PPFIA3: variants seen among roughly 807,000 people sequenced by gnomAD.
The protein encoded by PPFIA3 is liprin-alpha-3.
PPFIA3 carries 26 observed loss-of-function variants against 145.8 expected under a neutral mutation model. The ratio of observed to expected loss-of-function variants is 0.18; its 90% CI spans 0.13 to 0.25. PPFIA3 has a LOEUF of 0.25. PPFIA3 is among the 10% of genes least tolerant of loss of function. The pLI is 1.00. For missense variants in PPFIA3, 1,008 were observed against 1,587.8 expected (o/e 0.63, Z 6.21); for synonymous variants, 645 against 661.4 (o/e 0.98, Z 0.38).
At position 49,128,384 on chromosome 19, in the gene PPFIA3, G is replaced by C. The variant is rs199685708; in HGVS notation, c.258G>C (p.Thr86=). The part of the protein sequence containing the change: ...IALPQEFAAL[T]KELNLCREQL... ...CTGGACAGGAGTTTGCAGCTCTGAC[G>C]AAGGAGCTGAACTTATGTCGGGAGC... The change falls in exon 3 of 30, where the codon ACG becomes ACC. Residue 86 remains threonine (T), a synonymous_variant. Coordinates refer to ENST00000334186, the MANE Select transcript of PPFIA3 (RefSeq NM_003660.4). The surrounding 1 kb of genome is among the most constrained non-coding windows in gnomAD (Gnocchi z 4.1). 8 of 1,613,960 alleles carry C rather than the reference G, an allele frequency of 5.0e-6. No individual in the cohort carries two copies. Among genetic ancestry groups the C allele is most frequent in the South Asian group, 1.1e-5 (1 of 91,072 alleles).
In PPFIA3 at chr19:49,149,142, C is replaced by T; in HGVS notation, c.3259C>T (p.Leu1087=). 2.5e-6 allele frequency: 4 copies of T among 1,614,106 alleles called. No individual in the cohort carries two copies. Among genetic ancestry groups the T allele is most frequent in the South Asian group, 2.2e-5 (2 of 91,074 alleles). The change falls in exon 26 of 30, where the codon CTG becomes TTG. Residue 1087 remains leucine (L), a synonymous_variant. Coordinates refer to ENST00000334186, the MANE Select transcript of PPFIA3 (RefSeq NM_003660.4). This position sits in a 1 kb window ranked among gnomAD's most constrained non-coding sequence, Gnocchi z 5.7. The stretch of plus-strand genomic sequence containing the variant: ...CGACTACTCCGACCTGGCCTTGCTC[C>T]TGCAGATCCCCACGCAGAATGCACA... ...TFDYSDLALL[L]QIPTQNAQAR...
chr19:49,130,714 CCT>C lies in PPFIA3; in HGVS notation c.879+118_879+119del, dbSNP rs1159792702. Reference sequence around the variant, plus strand: ...GATTCAGTCCACAGGCTGGGTGACTCCTCTTTGAGATTCAGTTTTCCCACCTG... The same window carrying C: ...GATTCAGTCCACAGGCTGGGTGACTCCTTTGAGATTCAGTTTTCCCACCTG... On this transcript the variant is annotated intron_variant, in intron 7 of 29. Transcript: ENST00000334186. The surrounding 1 kb of genome is among the most constrained non-coding windows in gnomAD (Gnocchi z 4.5). 2.1e-5 allele frequency: 18 copies of C among 863,016 alleles called. No homozygotes were observed. Among genetic ancestry groups the C allele is most frequent in the African/African-American group, 1.7e-4 (10 of 58,730 alleles). 53.5% of individuals were successfully genotyped at this position (863,016 alleles called of 1,614,324 possible).
intron 13 of PPFIA3, among the ~76,000 whole-genome samples, 193 bp downstream of exon 13, chr19:49,135,108 T>C (rs2041122836): frequency 6.6e-6 from 1 of 152,020 alleles, no homozygotes; most frequent in Non-Finnish European, 1.5e-5. Context: ...GTGGCACGAT[T>C]CCGGCTCACT....
rs2041321015 is a variant in PPFIA3, at chr19:49,149,585, G to C, written c.3393G>C (p.Arg1131=). 4 of 1,613,938 alleles carry C rather than the reference G, an allele frequency of 2.5e-6. No homozygotes were observed. The highest frequency in any genetic ancestry group is 3.4e-6 in the Non-Finnish European group (4 of 1,179,878). The change falls in exon 28 of 30, where the codon CGG becomes CGC. Residue 1131 remains arginine, a synonymous_variant. Transcript: ENST00000334186. The surrounding 1 kb of genome is among the most constrained non-coding windows in gnomAD (Gnocchi z 5.7). ...CTTTCAGCCGCTCCCCATCCTGGCG[G>C]AAGATGTTCCGGGAGAAGGACCTCC... ...AKSFSRSPSW[R]KMFREKDLRG... is the part of the protein sequence containing the mutation.
At position 49,136,879 on chromosome 19, in the gene PPFIA3, G is replaced by A; in HGVS notation, c.1821G>A (p.Gln607=). The A allele has an allele frequency of 6.4e-7, 1 of 1,569,376 alleles. No homozygotes were observed. The highest frequency in any genetic ancestry group is 8.6e-7 in the Non-Finnish European group (1 of 1,156,972). Residue 607 remains glutamine, a synonymous_variant, in exon 15 of 30, where the codon CAG becomes CAA. Transcript: ENST00000334186. ...TGCAGACGCTGGCCATCATGCTTCAGGAGCAGCTGGAGGCCATCAACAAGG... is the reference window on the plus strand; with the variant it reads ...TGCAGACGCTGGCCATCATGCTTCAAGAGCAGCTGGAGGCCATCAACAAGG... ...ADVQTLAIML[Q]EQLEAINKEI...
At position 49,150,471 on chromosome 19, in the gene PPFIA3, C is replaced by T. The variant is rs1235226141; in HGVS notation, c.*249C>T. Reference sequence around the variant, plus strand: ...GAGGAAGAAATCCCGCCCCAAACGTCCGCTTTCCTTTTCTCTACTTTGTAA... The same window carrying T: ...GAGGAAGAAATCCCGCCCCAAACGTTCGCTTTCCTTTTCTCTACTTTGTAA... On this transcript the variant is annotated 3_prime_UTR_variant, in exon 30 of 30. Transcript: ENST00000334186. The T allele has an allele frequency of 7.7e-6, 2 of 259,032 alleles. No individual in the cohort carries two copies. Among genetic ancestry groups the T allele is most frequent in the Non-Finnish European group, 7.3e-6 (1 of 136,148 alleles). The allele number at this position is 259,032 out of a possible 1,614,324, so 16.0% of individuals were successfully genotyped here. A position where few individuals can be genotyped will look rare whatever the true frequency, so the allele number is the denominator to read the frequency against.
At position 49,135,769 on chromosome 19, in the gene PPFIA3, A is replaced by C; in HGVS notation, c.1521-10A>C. On this transcript the variant is annotated splice_polypyrimidine_tract_variant and intron_variant, in intron 13 of 29. Transcript: ENST00000334186. ...CCCTTGGTCTCTGACTGCTTTCCTC[A>C]TGCCCACAGGTCTCTCCCTGGCAGT... 6.2e-7 allele frequency: 1 copy of C among 1,601,780 alleles called. No individual in the cohort carries two copies. The highest frequency in any genetic ancestry group is 1.3e-5 in the African/African-American group (1 of 74,458).
chr19:49,149,817 C>T lies in PPFIA3; in HGVS notation c.3526+99C>T. The T allele has an allele frequency of 7.1e-7, 1 of 1,405,322 alleles. No individual in the cohort carries two copies. Among genetic ancestry groups the T allele is most frequent in the Non-Finnish European group, 9.5e-7 (1 of 1,049,554 alleles). The allele number at this position is 1,405,322 out of a possible 1,614,324, so 87.1% of individuals were successfully genotyped here. ...GTTCTGGAATGGCCTAGTCCTTTCT[C>T]GCCCACCCCTGAGGAATGGACTGCT... is the stretch of plus-strand genomic sequence containing the variant. On this transcript the variant is annotated intron_variant, in intron 28 of 29. Coordinates refer to ENST00000334186, the MANE Select transcript of PPFIA3 (RefSeq NM_003660.4). This position sits in a 1 kb window ranked among gnomAD's most constrained non-coding sequence, Gnocchi z 5.7.
intron 1 of PPFIA3, among the ~76,000 whole-genome samples, chr19:49,124,943 T>G (rs2040979318): frequency 6.6e-6 from 1 of 152,122 alleles, no homozygotes; most frequent in Non-Finnish European, 1.5e-5. Context: ...GGCACGAGCC[T>G]GTAGTCGCAG....
intron 1 of PPFIA3, among the ~76,000 whole-genome samples, chr19:49,119,968 C>G (rs187437392): frequency 5.3e-5 from 8 of 152,084 alleles, no homozygotes; most frequent in Admixed American, 3.9e-4. Context: ...TTGGATTTCC[C>G]GGTCCGGCCC....
At chr19:49,125,933 G>T (rs1019017693) in intron 1 of PPFIA3, among the ~76,000 whole-genome samples, 6 of 149,226 alleles carry the variant, frequency 4.0e-5, no homozygotes, top group Non-Finnish European at 5.9e-5. Context: ...TATTTTTTTT[G>T]TTTTTTTTTG....
chr19:49,146,351 TG>T, intron 23 of PPFIA3, 159 bp downstream of exon 23: 1 of 914,228 alleles, frequency 1.1e-6, no homozygotes, highest in Non-Finnish European at 1.6e-6. Context: ...CATTATGGCT[TG>T]GCGGTGGGGA....
chr19:49,133,299 G>T lies in PPFIA3; in HGVS notation c.1089G>T (p.Gln363His). 8 of 1,610,806 alleles carry T rather than the reference G, an allele frequency of 5.0e-6. No individual in the cohort carries two copies. Among genetic ancestry groups the T allele is most frequent in the Non-Finnish European group, 6.8e-6 (8 of 1,179,122 alleles). The change falls in exon 9 of 30, where the codon CAG (glutamine) becomes CAT (histidine). Residue 363 changes from glutamine (Q) to histidine (H), a missense_variant. Physicochemically the swap from Gln to His is conservative, Grantham distance 24. Transcript: ENST00000334186. The surrounding 1 kb of genome is among the most constrained non-coding windows in gnomAD (Gnocchi z 7.2). ...ACGACGCCAAGCAGAAGCTGCAGCA[G>T]ACGCTGCAGAAAGCGGAGACCTTGC... ...WLDDAKQKLQ[Q>H]TLQKAETLPE...
rs545474656 is a variant in PPFIA3, at chr19:49,135,966, C to T, written c.1665+43C>T. On this transcript the variant is annotated intron_variant, in intron 14 of 29. Coordinates refer to ENST00000334186, the MANE Select transcript of PPFIA3 (RefSeq NM_003660.4). ...GGTCCTGGACTGAGCAGGGCTTGGG[C>T]GGGCAGCTGTAGGAAGTGGAACTAA... The T allele has an allele frequency of 4.2e-5, 64 of 1,520,396 alleles. No individual in the cohort carries two copies. In the Admixed American group the frequency reaches 8.3e-4, roughly 20 times the overall value. 94.2% of individuals were successfully genotyped at this position (1,520,396 alleles called of 1,614,324 possible).
At position 49,128,553 on chromosome 19, in the gene PPFIA3, G is replaced by C. The variant is rs2041032496; in HGVS notation, c.342+85G>C. On this transcript the variant is annotated intron_variant, in intron 3 of 29. Transcript: ENST00000334186. The surrounding 1 kb of genome is among the most constrained non-coding windows in gnomAD (Gnocchi z 4.1). ...GGGCGGGGCCTCTCAGTGTTGCAGC[G>C]TGACCTATTTTTTTCCCCCATCTCG... The C allele has an allele frequency of 1.5e-6, 2 of 1,300,084 alleles. No individual in the cohort carries two copies. Among genetic ancestry groups the C allele is most frequent in the Admixed American group, 3.8e-5 (2 of 52,200 alleles). 80.5% of individuals were successfully genotyped at this position (1,300,084 alleles called of 1,614,324 possible). A position where few individuals can be genotyped will look rare whatever the true frequency, so the allele number is the denominator to read the frequency against.
intron 1 of PPFIA3, among the ~76,000 whole-genome samples, chr19:49,125,871 C>G (rs2040990457): frequency 6.6e-6 from 1 of 151,514 alleles, no homozygotes; most frequent in South Asian, 2.1e-4. Context: ...TCTTGGACTT[C>G]TGGGTCGTGA....
In PPFIA3 at chr19:49,130,148, C is replaced by A; in HGVS notation, c.657+81C>A. 1 of 1,413,862 alleles carries A rather than the reference C, an allele frequency of 7.1e-7. No homozygotes were observed. The highest frequency in any genetic ancestry group is 1.3e-5 in the South Asian group (1 of 78,688). 87.6% of individuals were successfully genotyped at this position (1,413,862 alleles called of 1,614,324 possible). A position where few individuals can be genotyped will look rare whatever the true frequency, so the allele number is the denominator to read the frequency against. Reference sequence around the variant, plus strand: ...TAGTGTTTGTAACGTTTGGTATCATCCTCACTGGCCCTAAGACGGCTGCAC... The same window carrying A: ...TAGTGTTTGTAACGTTTGGTATCATACTCACTGGCCCTAAGACGGCTGCAC... On this transcript the variant is annotated intron_variant, in intron 6 of 29. Coordinates refer to ENST00000334186, the MANE Select transcript of PPFIA3 (RefSeq NM_003660.4). This position sits in a 1 kb window ranked among gnomAD's most constrained non-coding sequence, Gnocchi z 4.5.
At chr19:49,136,152 G>A (rs193145467) in intron 14 of PPFIA3, among the ~76,000 whole-genome samples, 1 of 152,308 alleles carries the variant, frequency 6.6e-6, no homozygotes, top group East Asian at 1.9e-4. Context: ...CATGGGACAG[G>A]GAGGGGTGTG....
chr19:49,142,736 C>G (rs2041238921), intron 20 of PPFIA3, 68 bp from the exon 21 acceptor site: 1 of 1,435,266 alleles, frequency 7.0e-7, no homozygotes, highest in African/African-American at 1.4e-5. Context: ...CTCCCTGTTC[C>G]CCCATCTCTC....
Sources: gnomAD v4.1 joint callset for allele counts (sites outside exome capture counted in the v4.1 genomes callset) on GRCh38, gnomAD v4.1.1 for gene constraint, Gnocchi (gnomAD v3.1) non-coding constraint, MANE v1.5 for transcripts, NCBI Gene and HGNC (gene_info 2026-07-23, HGNC 2026-07-21) for gene names.